SEMA3A: variants seen among roughly 807,000 people sequenced by gnomAD.
SEMA3A encodes semaphorin-3A.
In SEMA3A, 29 loss-of-function variants were observed where a neutral mutation model predicts 97.9. That is an observed-to-expected ratio of 0.30 (90% confidence interval 0.22 to 0.40). The LOEUF (loss-of-function observed/expected upper bound fraction) is 0.40. SEMA3A is among the 10% of genes least tolerant of loss of function. The probability of loss-of-function intolerance (pLI) is 1.00; values close to 1 mark genes in which losing one functional copy is unlikely to be tolerated. For synonymous variants in SEMA3A, 321 were observed against 323.7 expected (o/e 0.99, Z 0.09); for missense variants, 763 against 951.3 (o/e 0.80, Z 2.60).
At chr7:84,270,680 T>C (rs1305675843) in intron 3 of SEMA3A, among the ~76,000 whole-genome samples, 4 of 148,880 alleles carry the variant, frequency 2.7e-5, no homozygotes, top group Non-Finnish European at 5.9e-5. Flanking sequence ...TGAATATATA[T>C]AGATATATAT....
At chr7:84,343,468 C>T (rs1802220882) in intron 2 of SEMA3A, among the ~76,000 whole-genome samples, 1 of 152,176 alleles carries the variant, frequency 6.6e-6, no homozygotes, top group Non-Finnish European at 1.5e-5. Context: ...TATAACTGAG[C>T]TAGGCAGCTA....
At chr7:84,194,355 A>G in intron 1 of SEMA3A, 120 bp downstream of exon 1, 1 of 660,278 alleles carries the variant, frequency 1.5e-6, no homozygotes, top group Non-Finnish European at 2.7e-6. Context: ...ACACATAATC[A>G]CGTCGGTTTA....
chr7:84,289,308 C>T lies in SEMA3A; in HGVS notation c.-83+17899G>A, dbSNP rs77857666. ...GGTTCTTGTGTTCTATAGCACAGCA[C>T]GGTGACCACAGTTAACAATAATTTA... On this transcript the variant is annotated intron_variant, in intron 3 of 3. Coordinates refer to the SEMA3A transcript ENST00000424555. 5.7e-3 allele frequency among the ~76,000 whole-genome samples: 871 copies of T among 152,024 alleles called. 38 individuals carry two copies. In the East Asian group the frequency reaches 0.11, roughly 19 times the overall value.
chr7:84,380,319 T>C (rs1011694216), intron 1 of SEMA3A, among the ~76,000 whole-genome samples: 16 of 152,186 alleles, frequency 1.1e-4, no homozygotes, highest in African/African-American at 3.9e-4. Flanking sequence ...AGGATAAACA[T>C]GAATAATTCC....
intron 3 of SEMA3A, among the ~76,000 whole-genome samples, chr7:84,119,226 T>C (rs554074846): frequency 1.4e-4 from 21 of 152,310 alleles, no homozygotes; most frequent in Admixed American, 5.9e-4. Context: ...CACACATGTA[T>C]GCATACATAA....
intron 3 of SEMA3A, among the ~76,000 whole-genome samples, chr7:84,254,973 TGA>T (rs1223087609): frequency 6.6e-6 from 1 of 152,150 alleles, no homozygotes; most frequent in Non-Finnish European, 1.5e-5. Context: ...AAGAAGAATG[TGA>T]GTCTTTTCAA....
chr7:84,442,644 A>G (rs1344757578), intron 1 of SEMA3A, among the ~76,000 whole-genome samples: 1 of 129,502 alleles, frequency 7.7e-6, no homozygotes, highest in Non-Finnish European at 1.6e-5. Context: ...TAAGTGGACT[A>G]AACACTCCAG....
At chr7:84,330,196 G>A (rs6955364) in intron 2 of SEMA3A, among the ~76,000 whole-genome samples, 3,074 of 151,890 alleles carry the variant, frequency 0.02, 112 homozygotes, top group African/African-American at 0.069. Context: ...TATATGTCTC[G>A]TTGCTCATTT....
At chr7:84,162,084 C>G (rs954992024) in intron 1 of SEMA3A, among the ~76,000 whole-genome samples, 2 of 152,026 alleles carry the variant, frequency 1.3e-5, no homozygotes, top group African/African-American at 2.4e-5. Flanking sequence ...TGTTACTGGA[C>G]AAGAATATTT....
At chr7:84,402,601 T>A (rs896995550) in intron 1 of SEMA3A, among the ~76,000 whole-genome samples, 4 of 152,148 alleles carry the variant, frequency 2.6e-5, no homozygotes, top group African/African-American at 9.7e-5. Flanking sequence ...TAAGTGTCCA[T>A]CAATGGATGT....
At chr7:84,175,949 A>G (rs549579671) in intron 1 of SEMA3A, among the ~76,000 whole-genome samples, 3 of 152,294 alleles carry the variant, frequency 2.0e-5, no homozygotes, top group Admixed American at 1.3e-4. Context: ...ACAGTGATCC[A>G]CCAACACTAA....
chr7:84,347,858 C>T (rs1046283513), intron 2 of SEMA3A, among the ~76,000 whole-genome samples: 6 of 152,086 alleles, frequency 3.9e-5, no homozygotes, highest in Non-Finnish European at 7.4e-5. Flanking sequence ...ATGAGGAAAG[C>T]GACTGCAAAA....
At chr7:84,018,023 G>A (rs968621515) in intron 6 of SEMA3A, among the ~76,000 whole-genome samples, 1 of 152,048 alleles carries the variant, frequency 6.6e-6, no homozygotes, top group Non-Finnish European at 1.5e-5. Flanking sequence ...AAGAACCCTA[G>A]TGTTGCTAAG....
At chr7:84,488,721 T>C (rs750676276) in intron 1 of SEMA3A, among the ~76,000 whole-genome samples, 2 of 152,164 alleles carry the variant, frequency 1.3e-5, no homozygotes, top group Non-Finnish European at 2.9e-5. Flanking sequence ...TCTTTACCTA[T>C]AGTCAAACCT....
Position 84,203,524 on chromosome 7 carries a change from A to ATTTTTT in SEMA3A, c.-82-8857_-82-8856insAAAAAA, listed in dbSNP as rs1253293554. ...TGTGTATATATATATATATATATAT[A>ATTTTTT]TATTTTTTTTTTTTTTTTTTTTCTG... On this transcript the variant is annotated intron_variant, in intron 3 of 3. Transcript: ENST00000424555. 6.2e-3 allele frequency among the ~76,000 whole-genome samples: 267 copies of ATTTTTT among 42,994 alleles called. 1 individual carries two copies. The highest frequency in any genetic ancestry group is 0.031 in the East Asian group (35 of 1,136). The allele number at this position is 42,994 out of a possible 152,430, so 28.2% of individuals were successfully genotyped here.
chr7:84,156,300 A>G (rs1298161014), intron 1 of SEMA3A, among the ~76,000 whole-genome samples: 1 of 152,110 alleles, frequency 6.6e-6, no homozygotes, highest in Non-Finnish European at 1.5e-5. Context: ...ATTTAGACTC[A>G]GTCAAATTTG....
intron 12 of SEMA3A, among the ~76,000 whole-genome samples, chr7:83,998,521 T>C (rs565145723): frequency 1.3e-5 from 2 of 152,314 alleles, no homozygotes; most frequent in Admixed American, 1.3e-4. Flanking sequence ...GCCTAGGACA[T>C]TGCTATACAC....
intron 1 of SEMA3A, among the ~76,000 whole-genome samples, chr7:84,151,195 A>C (rs1361341373): frequency 2.0e-5 from 3 of 152,110 alleles, no homozygotes; most frequent in South Asian, 2.1e-4. Context: ...CTCCTCCTCC[A>C]AAGGAACGCA....
At chr7:83,974,231 A>G (rs1789039281) in intron 15 of SEMA3A, among the ~76,000 whole-genome samples, 1 of 152,042 alleles carries the variant, frequency 6.6e-6, no homozygotes, top group Non-Finnish European at 1.5e-5. Flanking sequence ...GATCAAGAGG[A>G]GGTGTAGCTG....
Sources: allele counts gnomAD v4.1 joint callset (sites outside exome capture counted in the v4.1 genomes callset), GRCh38; gene constraint gnomAD v4.1.1; transcripts MANE v1.5; gene names NCBI Gene and HGNC (gene_info 2026-07-23, HGNC 2026-07-21).